Variants in BMPR1B observed in about 807,000 individuals in gnomAD.
The protein encoded by BMPR1B is bone morphogenetic protein receptor type-1B.
A neutral mutation model predicts 59.1 loss-of-function variants in BMPR1B; 12 were observed. The observed-to-expected ratio is 0.20, with a 90% CI of 0.13 to 0.33. BMPR1B has a LOEUF of 0.33. Ranked by LOEUF, BMPR1B falls within the 10% of genes least tolerant of loss-of-function variation. The probability of loss-of-function intolerance (pLI) is 1.00; values close to 1 mark genes in which losing one functional copy is unlikely to be tolerated. For missense variants in BMPR1B, 550 were observed against 610.9 expected, an observed-to-expected ratio of 0.90 and a Z score of 1.05; for synonymous variants, 237 against 207.3, an observed-to-expected ratio of 1.14 and a Z score of -1.23.
intron 3 of BMPR1B, among the ~76,000 whole-genome samples, chr4:95,049,691 T>A (rs1298051547): frequency 6.6e-6 from 1 of 151,784 alleles, no homozygotes. Context: ...TAAGTTCAAT[T>A]CGTCTTTCAG....
intron 2 of BMPR1B, among the ~76,000 whole-genome samples, chr4:94,983,790 T>A (rs930215836): frequency 3.9e-5 from 6 of 152,256 alleles, no homozygotes; most frequent in African/African-American, 1.4e-4. Flanking sequence ...TTATTTTCTA[T>A]GTTGCATGTT....
intron 10 of BMPR1B, among the ~76,000 whole-genome samples, chr4:95,135,406 T>G (rs1733697644): frequency 6.6e-6 from 1 of 152,114 alleles, no homozygotes; most frequent in Non-Finnish European, 1.5e-5. Flanking sequence ...AAGAAAGTCA[T>G]TGGTAGCTTG....
At chr4:94,970,127 T>A (rs1730715761) in intron 2 of BMPR1B, among the ~76,000 whole-genome samples, 1 of 152,192 alleles carries the variant, frequency 6.6e-6, no homozygotes, top group Non-Finnish European at 1.5e-5. Context: ...GTTTAGTAGT[T>A]TACTCTGACA....
chr4:95,149,704 G>C (rs1222156426), intron 11 of BMPR1B, among the ~76,000 whole-genome samples: 1 of 152,158 alleles, frequency 6.6e-6, no homozygotes, highest in African/African-American at 2.4e-5. Flanking sequence ...TGCTGCTGCT[G>C]TTCCTCATAA....
chr4:94,956,829 A>C (rs930396629), intron 2 of BMPR1B, among the ~76,000 whole-genome samples: 18 of 152,258 alleles, frequency 1.2e-4, no homozygotes, highest in Middle Eastern at 6.8e-3. Context: ...CTCTTCAAAA[A>C]GGCTCAGTTT....
At chr4:95,111,119 A>G (rs1270479096) in intron 4 of BMPR1B, among the ~76,000 whole-genome samples, 3 of 152,150 alleles carry the variant, frequency 2.0e-5, no homozygotes, top group Non-Finnish European at 2.9e-5. Flanking sequence ...GTTGTAGGAA[A>G]ACTGTTAATC....
chr4:94,845,468 A>G (rs1725284348), intron 1 of BMPR1B, among the ~76,000 whole-genome samples: 1 of 151,664 alleles, frequency 6.6e-6, no homozygotes. Flanking sequence ...TCAGCCTCCC[A>G]AGTAGCTGGG....
At position 95,116,252 on chromosome 4, in the gene BMPR1B, T is replaced by C. The variant is rs368049680; in HGVS notation, c.349+465T>C. On this transcript the variant is annotated intron_variant, in intron 6 of 12. Coordinates refer to ENST00000515059, the MANE Select transcript of BMPR1B (RefSeq NM_001203.3). Reference sequence around the variant, plus strand: ...CTTTTAGTCAAATCGTATCAATATATTGATAAAATGGGGAAGGTATCTAAA... The same window carrying C: ...CTTTTAGTCAAATCGTATCAATATACTGATAAAATGGGGAAGGTATCTAAA... Among the ~76,000 whole-genome samples, 3 of 152,228 alleles carry C rather than the reference T, an allele frequency of 2.0e-5. No homozygotes were observed. The South Asian group carries it at 6.2e-4, about 32-fold the overall frequency.
intron 3 of BMPR1B, among the ~76,000 whole-genome samples, chr4:95,099,144 A>G (rs1340444629): frequency 6.6e-6 from 1 of 152,212 alleles, no homozygotes; most frequent in Non-Finnish European, 1.5e-5. Flanking sequence ...ATGGTGAGCC[A>G]TCAGTGGATT....
At chr4:94,793,386 A>G (rs1460607333) in intron 1 of BMPR1B, among the ~76,000 whole-genome samples, 2 of 151,220 alleles carry the variant, frequency 1.3e-5, no homozygotes, top group African/African-American at 4.9e-5. Context: ...CATGGTGTAT[A>G]TGTGCCACAT....
intron 8 of BMPR1B, among the ~76,000 whole-genome samples, chr4:95,129,250 TA>T (rs1382709534): frequency 6.6e-6 from 1 of 152,160 alleles, no homozygotes; most frequent in Admixed American, 6.6e-5. Flanking sequence ...GCTGAAGCCC[TA>T]GGTTCAGTTC....
chr4:94,876,804 A>G (rs942969428), intron 2 of BMPR1B, among the ~76,000 whole-genome samples: 1 of 152,198 alleles, frequency 6.6e-6, no homozygotes, highest in Non-Finnish European at 1.5e-5. Context: ...GGATGAATAC[A>G]TGTTATACTT....
intron 6 of BMPR1B, among the ~76,000 whole-genome samples, chr4:95,118,046 G>A (rs1732200958): frequency 6.6e-6 from 1 of 152,130 alleles, no homozygotes; most frequent in Admixed American, 6.6e-5. Context: ...GCGTAAGGTG[G>A]CTGGCTTTGG....
intron 1 of BMPR1B, among the ~76,000 whole-genome samples, chr4:94,812,103 A>G (rs1578671793): frequency 6.6e-6 from 1 of 152,240 alleles, no homozygotes; most frequent in Non-Finnish European, 1.5e-5. Context: ...ACATTGTTTT[A>G]TATTCTTATT....
At chr4:95,051,596 G>A in intron 3 of BMPR1B, 2 of 1,094,930 alleles carry the variant, frequency 1.8e-6, no homozygotes, top group South Asian at 2.9e-5. Context: ...AGGCTTGCGA[G>A]AAGATCTGAC....
At chr4:94,895,256 T>C (rs552758540) in intron 2 of BMPR1B, among the ~76,000 whole-genome samples, 1 of 152,148 alleles carries the variant, frequency 6.6e-6, no homozygotes, top group African/African-American at 2.4e-5. Context: ...TATTCAAAGA[T>C]GGCAGCACAG....
At chr4:95,132,403 A>C (rs1197798659) in intron 10 of BMPR1B, among the ~76,000 whole-genome samples, 1 of 152,118 alleles carries the variant, frequency 6.6e-6, no homozygotes, top group East Asian at 1.9e-4. Flanking sequence ...ACAAAAAAAG[A>C]CTGATTGATT....
intron 3 of BMPR1B, among the ~76,000 whole-genome samples, chr4:95,015,642 C>T (rs1578931090): frequency 6.6e-6 from 1 of 152,022 alleles, no homozygotes; most frequent in African/African-American, 2.4e-5. Flanking sequence ...TCACCTCTGA[C>T]TTCCAAAAGT....
At chr4:95,136,498 T>C (rs894401815) in intron 10 of BMPR1B, among the ~76,000 whole-genome samples, 2 of 152,168 alleles carry the variant, frequency 1.3e-5, no homozygotes, top group African/African-American at 4.8e-5. Context: ...CCAGCTCCTC[T>C]TTGTACCTCT....
Sources: gnomAD v4.1 joint callset for allele counts (sites outside exome capture counted in the v4.1 genomes callset) on GRCh38, gnomAD v4.1.1 for gene constraint, MANE v1.5 for transcripts, NCBI Gene and HGNC (gene_info 2026-07-23, HGNC 2026-07-21) for gene names.